Variants in HS6ST3 observed in about 807,000 individuals in gnomAD.
HS6ST3 encodes heparan-sulfate 6-O-sulfotransferase 3.
HS6ST3 carries 12 observed loss-of-function variants against 36.7 expected under a neutral mutation model. The observed-to-expected ratio is 0.33, with a 90% CI of 0.21 to 0.53. HS6ST3 has a LOEUF of 0.53. HS6ST3 is among the 20% of genes least tolerant of loss of function. The pLI is 0.95. For missense variants in HS6ST3, 584 were observed against 640.9 expected (o/e 0.91, Z 0.96); for synonymous variants, 240 against 257.5 (o/e 0.93, Z 0.65).
rs766184862 is a variant in HS6ST3 at position 96,387,683 on chromosome 13, A to G, written c.707+296114A>G. Among the ~76,000 whole-genome samples, 3 of 152,282 alleles carry G rather than the reference A, an allele frequency of 2.0e-5. 1 individual carries two copies. The South Asian group carries it at 6.2e-4, about 32-fold the overall frequency. ...ATGTGTTTACAGTCATGGACCAACTAAATTGCTCCAATTACCCCAAGGCTG... is the reference window on the plus strand; with the variant it reads ...ATGTGTTTACAGTCATGGACCAACTGAATTGCTCCAATTACCCCAAGGCTG... On this transcript the variant is annotated intron_variant, in intron 1 of 1. Coordinates refer to ENST00000376705, the MANE Select transcript of HS6ST3 (RefSeq NM_153456.4).
chr13:96,214,905 G>A (rs374072845), intron 1 of HS6ST3, among the ~76,000 whole-genome samples: 8 of 152,168 alleles, frequency 5.3e-5, no homozygotes, highest in Non-Finnish European at 1.0e-4. Context: ...AAAGAGAGAC[G>A]TGCTGCTTAG....
intron 1 of HS6ST3, among the ~76,000 whole-genome samples, chr13:96,369,238 G>A (rs1345908957): frequency 6.6e-6 from 1 of 152,016 alleles, no homozygotes; most frequent in Admixed American, 6.6e-5. Context: ...TTAAAGAGAG[G>A]GGCAGACACT....
At chr13:96,330,956 T>C (rs1369539538) in intron 1 of HS6ST3, among the ~76,000 whole-genome samples, 1 of 151,998 alleles carries the variant, frequency 6.6e-6, no homozygotes, top group Non-Finnish European at 1.5e-5. Context: ...CTGATACCCT[T>C]TCTTCCAGTT....
At chr13:96,216,569 A>G (rs926078665) in intron 1 of HS6ST3, among the ~76,000 whole-genome samples, 1 of 152,196 alleles carries the variant, frequency 6.6e-6, no homozygotes, top group African/African-American at 2.4e-5. Context: ...CAACAACTGG[A>G]TTAGTGCAAG....
chr13:96,631,043 C>G (rs2056530485), intron 1 of HS6ST3, among the ~76,000 whole-genome samples: 1 of 152,126 alleles, frequency 6.6e-6, no homozygotes, highest in African/African-American at 2.4e-5. Context: ...CAGAAACATG[C>G]TCAACGTATA....
chr13:96,677,688 C>T lies in HS6ST3; in HGVS notation c.708-154802C>T, dbSNP rs547714233. 2.6e-5 allele frequency among the ~76,000 whole-genome samples: 4 copies of T among 152,186 alleles called. No individual in the cohort carries two copies. The South Asian group carries it at 8.3e-4, about 32-fold the overall frequency. On this transcript the variant is annotated intron_variant, in intron 1 of 1. Transcript: ENST00000376705. ...GACTTTCAGGATATTATTAGTAATG[C>T]TGTACCCATGTCGCTCTGCACTCAA...
chr13:96,583,198 T>TCTTTC, intron 1 of HS6ST3, among the ~76,000 whole-genome samples: 1 of 122,558 alleles, frequency 8.2e-6, no homozygotes, highest in Non-Finnish European at 1.6e-5. Flanking sequence ...AATTTCTTTT[T>TCTTTC]CTTTTCTTTT....
At chr13:96,522,692 T>A (rs748977176) in intron 1 of HS6ST3, among the ~76,000 whole-genome samples, 1 of 152,074 alleles carries the variant, frequency 6.6e-6, no homozygotes, top group Non-Finnish European at 1.5e-5. Flanking sequence ...TGTGTGTGTG[T>A]GTGTGTGCTT....
At chr13:96,370,207 A>G (rs988579107) in intron 1 of HS6ST3, among the ~76,000 whole-genome samples, 5 of 152,206 alleles carry the variant, frequency 3.3e-5, no homozygotes, top group African/African-American at 9.6e-5. Flanking sequence ...AAAAAGTTCA[A>G]CAACCCCGAG....
chr13:96,140,426 C>T (rs1423389686), intron 1 of HS6ST3, among the ~76,000 whole-genome samples: 2 of 152,094 alleles, frequency 1.3e-5, no homozygotes, highest in South Asian at 2.1e-4. Flanking sequence ...TGATCTCTCT[C>T]GGTTCTGGTA....
At chr13:96,264,011 A>G (rs1327475761) in intron 1 of HS6ST3, among the ~76,000 whole-genome samples, 1 of 152,166 alleles carries the variant, frequency 6.6e-6, no homozygotes, top group Non-Finnish European at 1.5e-5. Context: ...TTCCAGGGCT[A>G]GGAGCCAGCC....
intron 1 of HS6ST3, among the ~76,000 whole-genome samples, chr13:96,752,643 C>A (rs953173948): frequency 3.3e-5 from 5 of 152,032 alleles, no homozygotes; most frequent in Non-Finnish European, 4.4e-5. Flanking sequence ...TTTTTCTACA[C>A]AATCATTTGT....
At chr13:96,238,622 T>C (rs2054546029) in intron 1 of HS6ST3, among the ~76,000 whole-genome samples, 1 of 152,254 alleles carries the variant, frequency 6.6e-6, no homozygotes, top group Non-Finnish European at 1.5e-5. Flanking sequence ...ATTTTAATTT[T>C]AGTTTTCTTT....
At chr13:96,667,361 G>A (rs1401699830) in intron 1 of HS6ST3, among the ~76,000 whole-genome samples, 1 of 152,082 alleles carries the variant, frequency 6.6e-6, no homozygotes, top group Non-Finnish European at 1.5e-5. Flanking sequence ...ATGCCTTCTG[G>A]AAACTTCTAT....
intron 1 of HS6ST3, among the ~76,000 whole-genome samples, chr13:96,715,986 C>T (rs937704718): frequency 2.4e-4 from 37 of 151,878 alleles, no homozygotes; most frequent in African/African-American, 8.4e-4. Flanking sequence ...CCATAATCAT[C>T]GTATAATCTT....
chr13:96,142,685 T>G (rs980535560), intron 1 of HS6ST3, among the ~76,000 whole-genome samples: 1 of 152,152 alleles, frequency 6.6e-6, no homozygotes, highest in Non-Finnish European at 1.5e-5. Flanking sequence ...TACCATAGTA[T>G]TATTATAGAA....
chr13:96,260,132 G>A (rs1243506662), intron 1 of HS6ST3, among the ~76,000 whole-genome samples: 3 of 151,654 alleles, frequency 2.0e-5, no homozygotes, highest in Non-Finnish European at 4.4e-5. Context: ...AATATTCTTC[G>A]ATATCCTTGC....
At chr13:96,482,397 CT>C (rs936549047) in intron 1 of HS6ST3, among the ~76,000 whole-genome samples, 44 of 151,870 alleles carry the variant, frequency 2.9e-4, no homozygotes, top group African/African-American at 1.0e-3. Flanking sequence ...AATGTATTTT[CT>C]GCTCATATGA....
rs956578305 is a variant in HS6ST3 at position 96,688,623 on chromosome 13, G to C, written c.708-143867G>C. ...TCAAATTAACAACCTCTAAATTTAA[G>C]AGTGTTTTCGTTGAGTTTTTCTTGA... On this transcript the variant is annotated intron_variant, in intron 1 of 1. Coordinates refer to ENST00000376705, the MANE Select transcript of HS6ST3 (RefSeq NM_153456.4). Among the ~76,000 whole-genome samples the C allele has an allele frequency of 9.9e-5, 15 of 152,212 alleles. No homozygotes were observed. In the East Asian group the frequency reaches 2.9e-3, roughly 29 times the overall value.
Sources: allele counts gnomAD v4.1 joint callset (sites outside exome capture counted in the v4.1 genomes callset), GRCh38; gene constraint gnomAD v4.1.1; transcripts MANE v1.5; gene names NCBI Gene and HGNC (gene_info 2026-07-23, HGNC 2026-07-21).